The following F13A1 variants were observed in gnomAD, a reference collection of about 807,000 sequenced individuals.
The protein encoded by F13A1 is coagulation factor XIII A chain, also known as FSF, A subunit.
Under a neutral mutation model 80.1 loss-of-function variants are expected in F13A1, and 47 were observed. The ratio of observed to expected loss-of-function variants is 0.59; its 90% confidence interval spans 0.46 to 0.75. F13A1 has a LOEUF of 0.75. F13A1 is among the 30% of genes least tolerant of loss of function. F13A1 has a pLI of 0.00. For missense variants in F13A1, 817 were observed against 930.4 expected (o/e 0.88, Z 1.59); for synonymous variants, 349 against 344.9 (o/e 1.01, Z -0.13).
At chr6:6,295,367 TAA>T (rs201698257) in intron 3 of F13A1, among the ~76,000 whole-genome samples, 11,939 of 145,920 alleles carry the variant, frequency 0.082, 828 homozygotes, top group East Asian at 0.19. Context: ...ACCAACAGTG[TAA>T]AATTGTTCCT....
intron 8 of F13A1, among the ~76,000 whole-genome samples, chr6:6,211,850 G>A (rs1019966354): frequency 6.6e-6 from 1 of 152,228 alleles, no homozygotes; most frequent in African/African-American, 2.4e-5. Flanking sequence ...GCAGGGTGAG[G>A]CATTGCCTCA....
At chr6:6,253,841 G>C (rs1218462910) in intron 4 of F13A1, among the ~76,000 whole-genome samples, 1 of 152,116 alleles carries the variant, frequency 6.6e-6, no homozygotes, top group Non-Finnish European at 1.5e-5. Context: ...AAATAGATCT[G>C]ATCAATACGT....
intron 3 of F13A1, among the ~76,000 whole-genome samples, chr6:6,297,922 C>G (rs1432240159): frequency 6.7e-6 from 1 of 149,774 alleles, no homozygotes; most frequent in Non-Finnish European, 1.5e-5. Flanking sequence ...GCTTTGAATG[C>G]GTCCCTGAGA....
chr6:6,145,862 C>G (rs1760268833), intron 14 of F13A1, 90 bp from the exon 15 acceptor site: 3 of 1,564,288 alleles, frequency 1.9e-6, no homozygotes, highest in Non-Finnish European at 2.6e-6. Context: ...AAGTCACTTG[C>G]TTTCTTTCTC....
chr6:6,163,084 C>T (rs1760601811), intron 13 of F13A1, among the ~76,000 whole-genome samples: 1 of 152,216 alleles, frequency 6.6e-6, no homozygotes, highest in East Asian at 1.9e-4. Context: ...CTTATCTTGA[C>T]TGAGCTGAGC....
intron 6 of F13A1, among the ~76,000 whole-genome samples, chr6:6,234,700 A>G (rs968679221): frequency 5.9e-5 from 9 of 152,014 alleles, no homozygotes; most frequent in Non-Finnish European, 1.3e-4. Flanking sequence ...AAAAGTACAT[A>G]ATTACTTTAT....
intron 6 of F13A1, among the ~76,000 whole-genome samples, chr6:6,235,924 A>C (rs961332853): frequency 6.6e-6 from 1 of 152,124 alleles, no homozygotes. Context: ...TACATGGGCA[A>C]ATAGTGATTC....
intron 10 of F13A1, among the ~76,000 whole-genome samples, chr6:6,189,616 T>A (rs962604566): frequency 1.4e-5 from 2 of 142,452 alleles, no homozygotes; most frequent in Non-Finnish European, 3.1e-5. Flanking sequence ...TGGGCTTCCC[T>A]TTCAGGGTAA....
chr6:6,198,919 T>C (rs1359807862), intron 8 of F13A1, among the ~76,000 whole-genome samples: 1 of 152,098 alleles, frequency 6.6e-6, no homozygotes, highest in Non-Finnish European at 1.5e-5. Context: ...ATGTTTGAGC[T>C]GAGGCTCGAA....
intron 3 of F13A1, among the ~76,000 whole-genome samples, chr6:6,280,733 T>C (rs1011958205): frequency 1.3e-5 from 2 of 152,226 alleles, no homozygotes; most frequent in Non-Finnish European, 2.9e-5. Flanking sequence ...CCTTAGAATA[T>C]ATTCCAATCT....
intron 4 of F13A1, among the ~76,000 whole-genome samples, chr6:6,259,233 A>C (rs1757745540): frequency 6.6e-6 from 1 of 152,208 alleles, no homozygotes; most frequent in Non-Finnish European, 1.5e-5. Context: ...TCTGGGCTCA[A>C]GAGTCTCCAA....
intron 13 of F13A1, among the ~76,000 whole-genome samples, chr6:6,166,117 T>C (rs1760667404): frequency 6.6e-6 from 1 of 152,250 alleles, no homozygotes; most frequent in Non-Finnish European, 1.5e-5. Context: ...CCTGCTGGGG[T>C]TGGAAGCCCA....
chr6:6,246,559 T>C (rs939234755), intron 6 of F13A1, among the ~76,000 whole-genome samples: 1 of 152,248 alleles, frequency 6.6e-6, no homozygotes, highest in African/African-American at 2.4e-5. Flanking sequence ...TAGTTTTAAA[T>C]CTTTTAATTG....
intron 7 of F13A1, among the ~76,000 whole-genome samples, chr6:6,222,397 G>A (rs1419341452): frequency 5.9e-5 from 9 of 152,186 alleles, no homozygotes; most frequent in Admixed American, 4.6e-4. Flanking sequence ...CTGGTGTCAG[G>A]TGAAGCCAAC....
chr6:6,262,317 A>G (rs1390255096), intron 4 of F13A1, among the ~76,000 whole-genome samples: 1 of 152,240 alleles, frequency 6.6e-6, no homozygotes, highest in African/African-American at 2.4e-5. Flanking sequence ...CTCACCCTCC[A>G]TCCCAAACTG....
At chr6:6,180,342 A>G (rs1760957880) in intron 11 of F13A1, among the ~76,000 whole-genome samples, 2 of 152,142 alleles carry the variant, frequency 1.3e-5, no homozygotes, top group African/African-American at 4.8e-5. Flanking sequence ...TGCCAGAGCA[A>G]TTCTCACCCA....
At chr6:6,195,698 T>C in intron 10 of F13A1, 99 bp downstream of exon 10, 2 of 1,050,840 alleles carry the variant, frequency 1.9e-6, no homozygotes, top group Non-Finnish European at 2.9e-6. Flanking sequence ...GCATACGCTA[T>C]GTACCTGGAA....
chr6:6,226,114 T>C (rs1757272623), intron 6 of F13A1, among the ~76,000 whole-genome samples: 1 of 152,228 alleles, frequency 6.6e-6, no homozygotes, highest in African/African-American at 2.4e-5. Flanking sequence ...TGCCAGTTTT[T>C]TTCTGGGCAC....
In F13A1 at chr6:6,248,439, CA is replaced by C; in HGVS notation, c.691-21del. 8 of 1,594,746 alleles carry C rather than the reference CA, an allele frequency of 5.0e-6. No individual in the cohort carries two copies. The highest frequency in any genetic ancestry group is 6.9e-6 in the Non-Finnish European group (8 of 1,164,706). On this transcript the variant is annotated intron_variant, in intron 5 of 14. Coordinates refer to ENST00000264870, the MANE Select transcript of F13A1 (RefSeq NM_000129.4). ...TTCAAACTATTTGGAGAAAGAAAAA[CA>C]AAGAGAAACTAGTGTTCACTCTGCA...
Sources: gnomAD v4.1 joint callset for allele counts (sites outside exome capture counted in the v4.1 genomes callset) on GRCh38, gnomAD v4.1.1 for gene constraint, MANE v1.5 for transcripts, NCBI Gene and HGNC (gene_info 2026-07-23, HGNC 2026-07-21) for gene names.